Variants in CDC42SE2 observed in about 807,000 individuals in gnomAD.
The protein encoded by CDC42SE2 is CDC42 small effector 2, also known as CDC42 small effector protein 2.
A neutral mutation model predicts 11.5 loss-of-function variants in CDC42SE2; 3 were observed. The ratio of observed to expected loss-of-function variants is 0.26; its 90% CI spans 0.12 to 0.67. The LOEUF (loss-of-function observed/expected upper bound fraction) is 0.67, where lower values mean the gene tolerates loss of function less well. CDC42SE2 is among the 30% of genes least tolerant of loss of function. The pLI is 0.80. For synonymous variants in CDC42SE2, 33 were observed against 34.8 expected (o/e 0.95, Z 0.18); for missense variants, 82 against 106.8 (o/e 0.77, Z 1.02).
chr5:131,322,371 A>G (rs1316294482), intron 2 of CDC42SE2, among the ~76,000 whole-genome samples: 2 of 152,108 alleles, frequency 1.3e-5, no homozygotes, highest in South Asian at 2.1e-4. Context: ...TTATGATTCT[A>G]TGAATTTGAC....
intron 2 of CDC42SE2, among the ~76,000 whole-genome samples, chr5:131,344,886 C>A (rs922406374): frequency 6.6e-6 from 1 of 151,430 alleles, no homozygotes; most frequent in Non-Finnish European, 1.5e-5. Flanking sequence ...ACCAGGCAAA[C>A]GATCTGGAGT....
At chr5:131,388,031 T>C (rs1750540150) in intron 4 of CDC42SE2, among the ~76,000 whole-genome samples, 1 of 152,100 alleles carries the variant, frequency 6.6e-6, no homozygotes, top group Non-Finnish European at 1.5e-5. Context: ...AGAGTCTCGC[T>C]CTGTCACCCA....
chr5:131,336,337 TCTG>T (rs1758561497), intron 2 of CDC42SE2, among the ~76,000 whole-genome samples: 1 of 152,242 alleles, frequency 6.6e-6, no homozygotes, highest in Non-Finnish European at 1.5e-5. Context: ...TGCCGAGAGA[TCTG>T]CTGTTAGTCT....
At chr5:131,265,364 A>G (rs1394005994) in intron 1 of CDC42SE2, among the ~76,000 whole-genome samples, 1 of 152,174 alleles carries the variant, frequency 6.6e-6, no homozygotes, top group East Asian at 1.9e-4. Context: ...TTTCTGTTTC[A>G]TTATGAATAA....
chr5:131,342,068 T>G (rs1469501897), intron 2 of CDC42SE2, among the ~76,000 whole-genome samples: 5 of 151,314 alleles, frequency 3.3e-5, no homozygotes, highest in Non-Finnish European at 7.4e-5. Flanking sequence ...GATCAGGAGG[T>G]CAGGAGATCG....
At chr5:131,304,247 G>A (rs1056160362) in intron 1 of CDC42SE2, among the ~76,000 whole-genome samples, 1 of 152,114 alleles carries the variant, frequency 6.6e-6, no homozygotes, top group African/African-American at 2.4e-5. Context: ...GCCTCCCAAA[G>A]TGCTGGCATT....
intron 2 of CDC42SE2, among the ~76,000 whole-genome samples, chr5:131,332,731 T>C (rs1758451944): frequency 1.3e-5 from 2 of 152,234 alleles, no homozygotes; most frequent in Admixed American, 6.5e-5. Context: ...ATGATGAGCA[T>C]TTTTTCATGT....
intron 3 of CDC42SE2, among the ~76,000 whole-genome samples, chr5:131,371,940 ATTAAC>A (rs1396866804): frequency 5.9e-5 from 9 of 152,240 alleles, no homozygotes; most frequent in Non-Finnish European, 8.8e-5. Flanking sequence ...TTTCATATAT[ATTAAC>A]TTAATGAGAA....
rs944458296 is a variant in CDC42SE2 at position 131,392,130 on chromosome 5, T to TAACA, written c.*1040_*1043dup. The stretch of plus-strand genomic sequence containing the variant: ...TTCGCATGATCTTTTTTGTGAATGC[T>TAACA]AACACCATTTTGCAGTTTTTTTTTT... On this transcript the variant is annotated 3_prime_UTR_variant, in exon 5 of 5. Coordinates refer to ENST00000505065, the MANE Select transcript of CDC42SE2 (RefSeq NM_001375635.1). 2 of 151,688 alleles carry TAACA rather than the reference T, an allele frequency of 1.3e-5. No homozygotes were observed. The highest frequency in any genetic ancestry group is 2.9e-5 in the Non-Finnish European group (2 of 68,020). The allele number at this position is 151,688 out of a possible 1,614,324, so 9.4% of individuals were successfully genotyped here. A position where few individuals can be genotyped will look rare whatever the true frequency, so the allele number is the denominator to read the frequency against.
intron 2 of CDC42SE2, among the ~76,000 whole-genome samples, chr5:131,357,693 T>C (rs1478908998): frequency 6.6e-6 from 1 of 152,348 alleles, no homozygotes; most frequent in East Asian, 1.9e-4. Flanking sequence ...GTCTTTGATC[T>C]TTTCATTTCA....
chr5:131,311,463 G>A (rs1489146924), intron 1 of CDC42SE2, among the ~76,000 whole-genome samples: 3 of 151,442 alleles, frequency 2.0e-5, no homozygotes, highest in Admixed American at 6.6e-5. Flanking sequence ...GGCGTTCTCT[G>A]TATTTCCTGA....
intron 1 of CDC42SE2, among the ~76,000 whole-genome samples, chr5:131,268,530 G>A (rs927732355): frequency 5.3e-5 from 8 of 151,004 alleles, no homozygotes; most frequent in Non-Finnish European, 1.0e-4. Flanking sequence ...TTGGCTCACT[G>A]CAACCTCCAC....
At chr5:131,309,936 CT>C (rs1262551961) in intron 1 of CDC42SE2, among the ~76,000 whole-genome samples, 1 of 151,934 alleles carries the variant, frequency 6.6e-6, no homozygotes, top group Non-Finnish European at 1.5e-5. Context: ...TTTTTTGTGT[CT>C]CTATTTCCTT....
At chr5:131,320,054 GAAAAAAAAAAAA>G (rs763857152) in intron 2 of CDC42SE2, among the ~76,000 whole-genome samples, 193 of 62,794 alleles carry the variant, frequency 3.1e-3, no homozygotes, top group African/African-American at 8.4e-3. Context: ...CCGTCTTAAA[GAAAAAAAAAAAA>G]AAAAAAAAAA....
intron 2 of CDC42SE2, among the ~76,000 whole-genome samples, chr5:131,316,850 C>A (rs1758049446): frequency 6.6e-6 from 1 of 152,120 alleles, no homozygotes; most frequent in Non-Finnish European, 1.5e-5. Flanking sequence ...CTGTTATTTG[C>A]TATAGAAATT....
intron 1 of CDC42SE2, among the ~76,000 whole-genome samples, chr5:131,303,159 T>TA (rs1422123993): frequency 6.6e-6 from 1 of 152,234 alleles, no homozygotes; most frequent in Non-Finnish European, 1.5e-5. Context: ...GCAGTGCTAA[T>TA]AGACATTGTA....
At chr5:131,230,162 G>A in the CDC42SE2 span, among the ~76,000 whole-genome samples, 6 of 151,988 alleles carry the variant, frequency 3.9e-5, no homozygotes, top group African/African-American at 1.2e-4. Flanking sequence ...CAATTCTGTC[G>A]CCTCCTTTTA....
intron 1 of CDC42SE2, among the ~76,000 whole-genome samples, chr5:131,309,597 G>T (rs1757856755): frequency 1.3e-5 from 2 of 151,634 alleles, no homozygotes; most frequent in South Asian, 4.2e-4. Flanking sequence ...TGTTTGGTAA[G>T]CTATTGATTA....
intron 3 of CDC42SE2, among the ~76,000 whole-genome samples, chr5:131,373,645 A>G (rs557802787): frequency 6.6e-6 from 1 of 152,350 alleles, no homozygotes; most frequent in East Asian, 1.9e-4. Context: ...TAGACAACAG[A>G]AAAGCTAAAA....
Sources: allele counts gnomAD v4.1 joint callset (sites outside exome capture counted in the v4.1 genomes callset), GRCh38; gene constraint gnomAD v4.1.1; transcripts MANE v1.5; gene names NCBI Gene and HGNC (gene_info 2026-07-23, HGNC 2026-07-21).